Variants in ROBO2 observed in about 807,000 individuals in gnomAD.
ROBO2 encodes the protein roundabout homolog 2.
In ROBO2, 53 loss-of-function variants were observed where a neutral mutation model predicts 160.8. The observed-to-expected ratio is 0.33, with a 90% CI of 0.26 to 0.41. The LOEUF (loss-of-function observed/expected upper bound fraction) is 0.41. ROBO2 is among the 10% of genes least tolerant of loss of function. The pLI, the probability that ROBO2 is intolerant of heterozygous loss-of-function variation, is 1.00. For missense variants in ROBO2, 1,577 were observed against 1,722.4 expected (o/e 0.92, Z 1.49); for synonymous variants, 664 against 611.7 (o/e 1.09, Z -1.26).
chr3:75,912,330 T>A (rs1946633563), intron 1 of ROBO2, among the ~76,000 whole-genome samples: 1 of 152,222 alleles, frequency 6.6e-6, no homozygotes. Context: ...GTTTTCTATT[T>A]GTGGTATGAC....
At chr3:76,785,353 T>C (rs1456545995) in intron 2 of ROBO2, among the ~76,000 whole-genome samples, 1 of 151,234 alleles carries the variant, frequency 6.6e-6, no homozygotes, top group African/African-American at 2.4e-5. Context: ...GGAGCATTCA[T>C]TGAACTCTTA....
At chr3:77,489,755 C>G (rs966967846) in intron 4 of ROBO2, among the ~76,000 whole-genome samples, 4 of 152,018 alleles carry the variant, frequency 2.6e-5, no homozygotes, top group Non-Finnish European at 4.4e-5. Context: ...TATTTTATAC[C>G]CAGCATAATG....
intron 1 of ROBO2, among the ~76,000 whole-genome samples, chr3:75,918,807 G>T (rs2106807588): frequency 6.6e-6 from 1 of 152,226 alleles, no homozygotes; most frequent in Non-Finnish European, 1.5e-5. Context: ...GTGAATGGGA[G>T]TTTACTAATG....
intron 2 of ROBO2, among the ~76,000 whole-genome samples, chr3:75,937,933 AGTTTGT>A (rs1947873965): frequency 7.1e-6 from 1 of 141,506 alleles, no homozygotes; most frequent in Admixed American, 7.3e-5. Flanking sequence ...TATGCGTATG[AGTTTGT>A]GTTTGTGGTA....
chr3:77,079,696 C>G (rs1223425727), intron 1 of ROBO2, among the ~76,000 whole-genome samples: 4 of 152,116 alleles, frequency 2.6e-5, no homozygotes, highest in African/African-American at 9.7e-5. Context: ...TAATGATGTT[C>G]ATTCCACAGG....
At chr3:76,376,716 G>A (rs1162136090) in intron 2 of ROBO2, among the ~76,000 whole-genome samples, 5 of 152,094 alleles carry the variant, frequency 3.3e-5, no homozygotes, top group Non-Finnish European at 5.9e-5. Context: ...TTGGGGTCTG[G>A]GGAAAGTTTT....
chr3:76,452,336 C>T (rs920722628), intron 2 of ROBO2, among the ~76,000 whole-genome samples: 1 of 152,026 alleles, frequency 6.6e-6, no homozygotes, highest in South Asian at 2.1e-4. Flanking sequence ...CTTCCCCCCA[C>T]ACAACAGTCC....
intron 2 of ROBO2, among the ~76,000 whole-genome samples, chr3:76,214,688 C>A (rs1703382767): frequency 6.6e-6 from 1 of 152,212 alleles, no homozygotes; most frequent in South Asian, 2.1e-4. Context: ...GTCGAGCCCA[C>A]CACAGCTCAA....
intron 1 of ROBO2, among the ~76,000 whole-genome samples, chr3:77,087,747 T>C (rs1369251392): frequency 1.3e-5 from 2 of 151,960 alleles, no homozygotes; most frequent in African/African-American, 4.8e-5. Context: ...TATGTGTGTG[T>C]ACATATACAT....
intron 2 of ROBO2, among the ~76,000 whole-genome samples, chr3:76,577,915 CAT>C (rs1491206646): frequency 4.6e-5 from 7 of 152,136 alleles, no homozygotes; most frequent in African/African-American, 1.7e-4. Flanking sequence ...AGTCCCTCTA[CAT>C]ATGTTTTACA....
At chr3:75,939,653 G>A (rs1026609246) in intron 2 of ROBO2, among the ~76,000 whole-genome samples, 18 of 152,152 alleles carry the variant, frequency 1.2e-4, no homozygotes, top group African/African-American at 4.3e-4. Flanking sequence ...GCTAGATTGA[G>A]TGAAGGAGAT....
intron 3 of ROBO2, 121 bp from the exon 4 acceptor site, chr3:77,480,978 A>T: frequency 1.2e-6 from 1 of 833,922 alleles, no homozygotes; most frequent in Non-Finnish European, 1.9e-6. Flanking sequence ...AAATAATGGG[A>T]GAGTTTTTTC....
chr3:75,923,743 A>C (rs1559754606), intron 1 of ROBO2, among the ~76,000 whole-genome samples: 1 of 152,214 alleles, frequency 6.6e-6, no homozygotes, highest in Non-Finnish European at 1.5e-5. Context: ...TAATATAAAC[A>C]GTCATGAGAG....
At chr3:76,978,651 T>C (rs2149315160) in intron 2 of ROBO2, among the ~76,000 whole-genome samples, 1 of 152,180 alleles carries the variant, frequency 6.6e-6, no homozygotes, top group East Asian at 1.9e-4. Context: ...AACCAAGTTG[T>C]CTATGTCTCA....
chr3:76,290,201 A>C (rs1473522293), intron 2 of ROBO2, among the ~76,000 whole-genome samples: 1 of 151,890 alleles, frequency 6.6e-6, no homozygotes, highest in Non-Finnish European at 1.5e-5. Flanking sequence ...GGATCTTTTC[A>C]CTGATTTCTT....
chr3:77,583,176 G>GAAAAAAAA (rs2093963899), intron 16 of ROBO2, among the ~76,000 whole-genome samples: 1 of 143,320 alleles, frequency 7.0e-6, no homozygotes, highest in African/African-American at 2.6e-5. Flanking sequence ...AAAAAAAAAG[G>GAAAAAAAA]AAAAAACATT....
intron 2 of ROBO2, among the ~76,000 whole-genome samples, chr3:76,378,364 T>A (rs1043313584): frequency 4.6e-5 from 7 of 152,272 alleles, no homozygotes; most frequent in African/African-American, 1.7e-4. Context: ...GATTTATTGA[T>A]GTATTTATTT....
intron 2 of ROBO2, among the ~76,000 whole-genome samples, chr3:76,123,660 C>T (rs778728535): frequency 1.9e-4 from 29 of 152,046 alleles, no homozygotes; most frequent in Non-Finnish European, 3.7e-4. Flanking sequence ...TTTTTGTTCC[C>T]ACTGTTGCAA....
intron 8 of ROBO2, among the ~76,000 whole-genome samples, chr3:77,554,600 G>A (rs2093042249): frequency 6.6e-6 from 1 of 151,924 alleles, no homozygotes. Context: ...TTGGAAAGTT[G>A]GATGACTTTG....
Sources: allele counts gnomAD v4.1 joint callset (sites outside exome capture counted in the v4.1 genomes callset), GRCh38; gene constraint gnomAD v4.1.1; transcripts MANE v1.5; gene names NCBI Gene and HGNC (gene_info 2026-07-23, HGNC 2026-07-21).